Variants in COPS9 observed in about 807,000 individuals in gnomAD.
COPS9 encodes the protein COP9 signalosome complex subunit 9.
COPS9 carries 8 observed loss-of-function variants against 7.2 expected under a neutral mutation model. The observed-to-expected ratio is 1.11, with a 90% CI of 0.65 to 2.00. The LOEUF is 2.00. Among genes scored for constraint, COPS9 ranks in the 30% most tolerant of loss-of-function variants. COPS9 has a pLI of 0.00. For missense variants in COPS9, 74 were observed against 77.7 expected (o/e 0.95, Z 0.18); for synonymous variants, 39 against 28.7 (o/e 1.36, Z -1.14).
intron 1 of COPS9, chr2:240,134,300 G>A: frequency 3.1e-6 from 1 of 318,840 alleles, no homozygotes; most frequent in Non-Finnish European, 5.7e-6. Flanking sequence ...GCCCCTCAAG[G>A]AGAGCTTTCC....
chr2:240,131,024 T>A lies in COPS9; in HGVS notation c.*27A>T, dbSNP rs780288468. ...ACACTGCGGCTCTGTACCAAGGGCTTGGCCCCGCCTGCAGCCAGAGGGCAT... is the reference window on the plus strand; with the variant it reads ...ACACTGCGGCTCTGTACCAAGGGCTAGGCCCCGCCTGCAGCCAGAGGGCAT... On this transcript the variant is annotated 3_prime_UTR_variant, in exon 3 of 3. Coordinates refer to ENST00000607357, the MANE Select transcript of COPS9 (RefSeq NM_001163424.2). 1.7e-5 allele frequency: 28 copies of A among 1,612,092 alleles called. No homozygotes were observed. In the East Asian group the frequency reaches 6.2e-4, roughly 36 times the overall value.
rs1000504538 is a variant in COPS9 at position 240,132,586 on chromosome 2, G to C, written c.136+1347C>G. ...GGGTCCCTCTCAGAGATGCTTTCCC[G>C]TCAGGATTCAAGGGCTGACTCTGGA... is the stretch of plus-strand genomic sequence containing the variant. On this transcript the variant is annotated intron_variant, in intron 2 of 2. Transcript: ENST00000607357. This position sits in a 1 kb window ranked among gnomAD's most constrained non-coding sequence, Gnocchi z 4.1. 6.6e-6 allele frequency among the ~76,000 whole-genome samples: 1 copy of C among 152,170 alleles called. No individual in the cohort carries two copies. Among genetic ancestry groups the C allele is most frequent in the Non-Finnish European group, 1.5e-5 (1 of 68,040 alleles).
intron 2 of COPS9, among the ~76,000 whole-genome samples, chr2:240,131,580 T>G (rs772614299): frequency 2.6e-5 from 4 of 152,092 alleles, no homozygotes; most frequent in Non-Finnish European, 5.9e-5. Context: ...AAGCCTCCAG[T>G]AAGGGAGCGT....
rs938611611 is a variant in COPS9, at chr2:240,130,896, T to C, written c.*155A>G. On this transcript the variant is annotated 3_prime_UTR_variant, in exon 3 of 3. Coordinates refer to ENST00000607357, the MANE Select transcript of COPS9 (RefSeq NM_001163424.2). ...CCGTTCAGAGATGAACAGAATCATCTAGGTCGTTAAGAACAGTCTTATCTT... is the reference window on the plus strand; with the variant it reads ...CCGTTCAGAGATGAACAGAATCATCCAGGTCGTTAAGAACAGTCTTATCTT... The C allele has an allele frequency of 4.8e-5, 70 of 1,450,120 alleles. No homozygotes were observed. Among genetic ancestry groups the C allele is most frequent in the South Asian group, 1.6e-4 (11 of 66,814 alleles). The allele number at this position is 1,450,120 out of a possible 1,614,324, so 89.8% of individuals were successfully genotyped here. A position where few individuals can be genotyped will look rare whatever the true frequency, so the allele number is the denominator to read the frequency against.
At chr2:240,133,809 G>C in intron 2 of COPS9, 124 bp downstream of exon 2, 1 of 906,904 alleles carries the variant, frequency 1.1e-6, no homozygotes, top group Non-Finnish European at 1.7e-6. Flanking sequence ...TGCATTCTGA[G>C]AGGAGCGCAG....
chr2:240,131,104 A>G lies in COPS9; in HGVS notation c.137-16T>C, dbSNP rs750965966. On this transcript the variant is annotated splice_polypyrimidine_tract_variant and intron_variant, in intron 2 of 2. Coordinates refer to ENST00000607357, the MANE Select transcript of COPS9 (RefSeq NM_001163424.2). ...TCTTCAAAATCTAGGGAAATAAGCA[A>G]AACCACGTAGTTACACCTACAAGGG... 5.0e-6 allele frequency: 8 copies of G among 1,611,604 alleles called. No homozygotes were observed. The East Asian group carries it at 8.9e-5, about 18-fold the overall frequency.
At chr2:240,130,020 C>G (rs115716357), downstream of COPS9, 9,205 of 1,612,890 alleles carry the variant, frequency 5.7e-3, 174 homozygotes, top group South Asian at 0.047. Flanking sequence ...CCTGGGCAGT[C>G]CTGAGCTGCT....
At chr2:240,130,515 C>T (rs1002519284), downstream of COPS9, among the ~76,000 whole-genome samples, 11 of 152,220 alleles carry the variant, frequency 7.2e-5, no homozygotes, top group African/African-American at 2.4e-4. Context: ...GCTGCCCTGA[C>T]GTGGAGGCCA....
At chr2:240,134,697 C>T (rs1364242676) in intron 1 of COPS9, among the ~76,000 whole-genome samples, 7 of 152,166 alleles carry the variant, frequency 4.6e-5, no homozygotes, top group African/African-American at 1.4e-4. Context: ...CCCCACATAG[C>T]TGCATGCCCT....
In COPS9 at chr2:240,136,299, G is replaced by A. The variant is rs753627781; in HGVS notation, c.-15C>T. On this transcript the variant is annotated 5_prime_UTR_variant, in exon 1 of 3. Transcript: ENST00000607357. ...GCCGGCTTCATCTCGGGGCCGCGGC[G>A]CTCTAGGCTCACTTCCGGCCTCAGA... 54 of 1,554,824 alleles carry A rather than the reference G, an allele frequency of 3.5e-5. No individual in the cohort carries two copies. Among genetic ancestry groups the A allele is most frequent in the Non-Finnish European group, 4.4e-5 (51 of 1,154,646 alleles).
chr2:240,130,146 TC>T, downstream of COPS9: 2 of 753,356 alleles, frequency 2.7e-6, no homozygotes, highest in Non-Finnish European at 4.3e-6. Flanking sequence ...TCACCTGGCC[TC>T]CAGTACAAAT....
At chr2:240,134,954 A>G (rs1409631788) in intron 1 of COPS9, among the ~76,000 whole-genome samples, 1 of 150,876 alleles carries the variant, frequency 6.6e-6, no homozygotes, top group Non-Finnish European at 1.5e-5. Context: ...CTCACTCCCC[A>G]CTGTAAAGCC....
intron 1 of COPS9, among the ~76,000 whole-genome samples, chr2:240,135,691 A>C (rs2071969681): frequency 6.6e-6 from 1 of 152,252 alleles, no homozygotes; most frequent in Non-Finnish European, 1.5e-5. Context: ...CATAAATGCC[A>C]GATGTCTCCT....
Position 240,134,021 on chromosome 2 carries a change from G to A in COPS9, c.64-16C>T, listed in dbSNP as rs1389743981. ...TGCCTCCCGCCTGGGGAATGGAAAG[G>A]CAAGGTTATGTCAGGTGCGTTTTCC... On this transcript the variant is annotated splice_polypyrimidine_tract_variant and intron_variant, in intron 1 of 2. Transcript: ENST00000607357. 1.2e-6 allele frequency: 2 copies of A among 1,613,966 alleles called. No homozygotes were observed. The highest frequency in any genetic ancestry group is 8.5e-7 in the Non-Finnish European group (1 of 1,179,870).
At chr2:240,128,741 A>G (rs2071891545), downstream of COPS9, among the ~76,000 whole-genome samples, 1 of 152,070 alleles carries the variant, frequency 6.6e-6, no homozygotes, top group Non-Finnish European at 1.5e-5. Flanking sequence ...CTGCAGTCCG[A>G]TCACCCAGGT....
downstream of COPS9, chr2:240,130,081 A>G (rs1414882208): frequency 7.1e-7 from 1 of 1,412,684 alleles, no homozygotes; most frequent in African/African-American, 1.4e-5. Flanking sequence ...GTGGAAATCC[A>G]CTCACCACTC....
intron 1 of COPS9, among the ~76,000 whole-genome samples, chr2:240,135,614 CA>C (rs1325861115): frequency 6.6e-6 from 1 of 152,152 alleles, no homozygotes; most frequent in African/African-American, 2.4e-5. Flanking sequence ...TAGAGACCAA[CA>C]AAACCCCAAG....
chr2:240,136,025 C>G, intron 1 of COPS9, 197 bp downstream of exon 1: 1 of 898,264 alleles, frequency 1.1e-6, no homozygotes, highest in Non-Finnish European at 1.5e-6. Flanking sequence ...ACGCTTCCCG[C>G]CGCGGTCGGT....
intron 2 of COPS9, among the ~76,000 whole-genome samples, chr2:240,133,535 G>A (rs71428416): frequency 0.021 from 3,163 of 152,336 alleles, 45 homozygotes; most frequent in Non-Finnish European, 0.029. Context: ...GCAAACACAG[G>A]TGGGCTGGGA....
Sources: allele counts gnomAD v4.1 joint callset (sites outside exome capture counted in the v4.1 genomes callset), GRCh38; gene constraint gnomAD v4.1.1; non-coding constraint Gnocchi (gnomAD v3.1); transcripts MANE v1.5; gene names NCBI Gene and HGNC (gene_info 2026-07-23, HGNC 2026-07-21).